MAP2: variants seen among roughly 807,000 people sequenced by gnomAD.
MAP2 encodes the protein microtubule associated protein 2.
In MAP2, 14 loss-of-function variants were observed where a neutral mutation model predicts 137.6. The observed-to-expected ratio is 0.10, with a 90% CI of 0.07 to 0.16. The LOEUF (loss-of-function observed/expected upper bound fraction) is 0.16, where lower values mean the gene tolerates loss of function less well. Among genes scored for constraint, MAP2 ranks in the 10% least tolerant of loss-of-function variants. The pLI, the probability that MAP2 is intolerant of heterozygous loss-of-function variation, is 1.00. For missense variants in MAP2, 2,088 were observed against 2,191.5 expected (o/e 0.95, Z 0.94); for synonymous variants, 786 against 782.3 (o/e 1.00, Z -0.08).
intron 3 of MAP2, among the ~76,000 whole-genome samples, chr2:209,622,178 C>T (rs1413603002): frequency 1.3e-5 from 2 of 152,186 alleles, no homozygotes; most frequent in Non-Finnish European, 2.9e-5. Flanking sequence ...GGAGGCAGAA[C>T]TGTGGCTGAG....
intron 2 of MAP2, among the ~76,000 whole-genome samples, chr2:209,519,494 T>C (rs1205093130): frequency 1.3e-5 from 2 of 152,086 alleles, no homozygotes; most frequent in Non-Finnish European, 2.9e-5. Context: ...GGGAGCTTTC[T>C]CCCTTGATGT....
rs56888176 is a variant in MAP2 at position 209,593,758 on chromosome 2, TA to T, written c.-107+13660del. Reference sequence around the variant, plus strand: ...ATAATACATTATATTATATTATATATAATATATAATATAATATAATACATTA... The same window carrying T: ...ATAATACATTATATTATATTATATATATATATAATATAATATAATACATTA... On this transcript the variant is annotated intron_variant, in intron 3 of 15. Transcript: ENST00000682079. Among the ~76,000 whole-genome samples the T allele has an allele frequency of 6.8e-3, 3 of 444 alleles. 1 individual carries two copies. Among genetic ancestry groups the T allele is most frequent in the Non-Finnish European group, 0.012 (3 of 242 alleles). The allele number at this position is 444 out of a possible 152,430, so 0.3% of individuals were successfully genotyped here. A position where few individuals can be genotyped will look rare whatever the true frequency, so the allele number is the denominator to read the frequency against.
intron 1 of MAP2, among the ~76,000 whole-genome samples, chr2:209,497,471 T>A (rs2059889738): frequency 6.6e-6 from 1 of 152,214 alleles, no homozygotes; most frequent in Non-Finnish European, 1.5e-5. Flanking sequence ...GCCACATGTC[T>A]AGGGCATTTT....
chr2:209,614,840 AG>A (rs1176919006), intron 3 of MAP2, among the ~76,000 whole-genome samples: 1 of 152,202 alleles, frequency 6.6e-6, no homozygotes, highest in Non-Finnish European at 1.5e-5. Flanking sequence ...AACATGCAGC[AG>A]AAGATAAAGA....
intron 2 of MAP2, among the ~76,000 whole-genome samples, chr2:209,553,800 G>T (rs1414331172): frequency 6.6e-6 from 1 of 152,170 alleles, no homozygotes; most frequent in South Asian, 2.1e-4. Context: ...AAAAGAAGAA[G>T]CATCTCTTAA....
At chr2:209,626,097 T>G (rs1365238406) in intron 4 of MAP2, among the ~76,000 whole-genome samples, 2 of 151,990 alleles carry the variant, frequency 1.3e-5, no homozygotes, top group African/African-American at 2.4e-5. Context: ...GCAAGAAAAT[T>G]TATAAGATGT....
intron 3 of MAP2, among the ~76,000 whole-genome samples, chr2:209,601,285 T>C (rs2082919937): frequency 6.6e-6 from 1 of 152,196 alleles, no homozygotes; most frequent in Non-Finnish European, 1.5e-5. Flanking sequence ...TCTTTTTTCT[T>C]TTTTTCAAGT....
At chr2:209,623,375 A>G (rs2091661616) in intron 3 of MAP2, among the ~76,000 whole-genome samples, 1 of 152,132 alleles carries the variant, frequency 6.6e-6, no homozygotes, top group African/African-American at 2.4e-5. Context: ...TATTTTTACT[A>G]GGGTAAAAGA....
In MAP2 at chr2:209,696,678, C is replaced by T; in HGVS notation, c.4317C>T (p.Ser1439=). 5.6e-6 allele frequency: 9 copies of T among 1,613,932 alleles called. No homozygotes were observed. The highest frequency in any genetic ancestry group is 6.8e-6 in the Non-Finnish European group (8 of 1,179,946). ...KPFKTGRGRI[S]TPERKVAKKE... ...TTAAAACCGGGAGAGGCAGAATTTC[C>T]ACTCCTGAAAGAAAAGTAGCTAAAA... The change falls in exon 9 of 16, where the codon TCC becomes TCT. Residue 1439 remains serine, a synonymous_variant. Transcript: ENST00000682079.
chr2:209,719,896 G>A (rs565762122), intron 13 of MAP2, among the ~76,000 whole-genome samples: 122 of 152,242 alleles, frequency 8.0e-4, no homozygotes, highest in African/African-American at 2.9e-3. Flanking sequence ...ACCAATGTTT[G>A]CATAAAATTC....
intron 7 of MAP2, chr2:209,690,562 T>C: frequency 8.1e-7 from 1 of 1,231,996 alleles, no homozygotes; most frequent in Non-Finnish European, 1.0e-6. Context: ...TTTCATGTAT[T>C]GTTCTGTGGT....
intron 1 of MAP2, among the ~76,000 whole-genome samples, chr2:209,493,171 C>T (rs2059341916): frequency 6.6e-6 from 1 of 152,080 alleles, no homozygotes; most frequent in Non-Finnish European, 1.5e-5. Context: ...CAAAAACAAG[C>T]AATGGGGAAA....
intron 2 of MAP2, among the ~76,000 whole-genome samples, chr2:209,553,232 C>T (rs1279840520): frequency 6.6e-6 from 1 of 151,990 alleles, no homozygotes; most frequent in South Asian, 2.1e-4. Context: ...AGGATGGTCT[C>T]GATCTCTTGA....
At chr2:209,726,375 G>C (rs1003639420) in intron 14 of MAP2, among the ~76,000 whole-genome samples, 3 of 152,142 alleles carry the variant, frequency 2.0e-5, no homozygotes, top group African/African-American at 7.2e-5. Flanking sequence ...TATATTCATA[G>C]TTACTGGGAG....
chr2:209,509,929 T>C (rs2061527742), intron 2 of MAP2, among the ~76,000 whole-genome samples: 1 of 151,738 alleles, frequency 6.6e-6, no homozygotes. Context: ...TTCCTAGTGG[T>C]AAATGAGGTA....
At chr2:209,443,823 A>G (rs1472106033) in intron 1 of MAP2, among the ~76,000 whole-genome samples, 1 of 151,616 alleles carries the variant, frequency 6.6e-6, no homozygotes, top group Non-Finnish European at 1.5e-5. Context: ...CAACACCGTC[A>G]TTAGGAAATA....
At chr2:209,521,676 C>G in intron 2 of MAP2, among the ~76,000 whole-genome samples, 1 of 152,004 alleles carries the variant, frequency 6.6e-6, no homozygotes, top group South Asian at 2.1e-4. Flanking sequence ...GCCCCTATGC[C>G]TCTCAAAGAT....
chr2:209,718,112 T>G (rs1051347113), intron 13 of MAP2, among the ~76,000 whole-genome samples: 1 of 152,228 alleles, frequency 6.6e-6, no homozygotes, highest in Non-Finnish European at 1.5e-5. Context: ...CAATAGAATT[T>G]TGTAACTATA....
intron 3 of MAP2, among the ~76,000 whole-genome samples, chr2:209,610,244 G>C (rs931399484): frequency 6.6e-6 from 1 of 151,998 alleles, no homozygotes; most frequent in South Asian, 2.1e-4. Context: ...ATGGCTTATA[G>C]GAGAAATGAC....
Sources: gnomAD v4.1 joint callset for allele counts (sites outside exome capture counted in the v4.1 genomes callset) on GRCh38, gnomAD v4.1.1 for gene constraint, MANE v1.5 for transcripts, NCBI Gene and HGNC (gene_info 2026-07-23, HGNC 2026-07-21) for gene names.